Variants in METTL16 observed in about 807,000 individuals in gnomAD.
METTL16 encodes RNA N(6)-adenosine-methyltransferase METTL16.
A neutral mutation model predicts 57.9 loss-of-function variants in METTL16; 19 were observed. The observed-to-expected ratio is 0.33, with a 90% CI of 0.23 to 0.48. The LOEUF (loss-of-function observed/expected upper bound fraction) is 0.48, where lower values mean the gene tolerates loss of function less well. Among genes scored for constraint, METTL16 ranks in the 20% least tolerant of loss-of-function variants. The probability of loss-of-function intolerance (pLI) is 0.99; values close to 1 mark genes in which losing one functional copy is unlikely to be tolerated. For missense variants in METTL16, 434 were observed against 691.5 expected (o/e 0.63, Z 4.18); for synonymous variants, 246 against 255.6 (o/e 0.96, Z 0.36).
At chr17:2,448,891 G>C (rs1283459417) in intron 6 of METTL16, among the ~76,000 whole-genome samples, 1 of 148,862 alleles carries the variant, frequency 6.7e-6, no homozygotes, top group Non-Finnish European at 1.5e-5. Flanking sequence ...GCTGGGTGTG[G>C]TGGTGCGCGC....
chr17:2,442,311 G>A (rs1461576921), intron 6 of METTL16, among the ~76,000 whole-genome samples: 4 of 152,212 alleles, frequency 2.6e-5, no homozygotes, highest in African/African-American at 9.6e-5. Flanking sequence ...AGGTGAGCCT[G>A]CATTTGCTAG....
At position 2,432,296 on chromosome 17, in the gene METTL16, A is replaced by G. The variant is rs1391600007; in HGVS notation, c.888+5813T>C. On this transcript the variant is annotated intron_variant, in intron 8 of 9. Coordinates refer to ENST00000263092, the MANE Select transcript of METTL16 (RefSeq NM_024086.4). ...TTAGTTTGCATTTTAGGCTGGGTGC[A>G]ATGGCTTATGCCTGTAATCCCAGCA... 3.9e-5 allele frequency among the ~76,000 whole-genome samples: 6 copies of G among 152,134 alleles called. No individual in the cohort carries two copies. In the East Asian group the frequency reaches 1.2e-3, roughly 29 times the overall value.
In METTL16 at chr17:2,419,703, T is replaced by C. The variant is rs544080674; in HGVS notation, c.*267A>G. 39 of 629,062 alleles carry C rather than the reference T, an allele frequency of 6.2e-5. No homozygotes were observed. The East Asian group carries it at 1.2e-3, about 20-fold the overall frequency. The allele number at this position is 629,062 out of a possible 1,614,324, so 39.0% of individuals were successfully genotyped here. On this transcript the variant is annotated 3_prime_UTR_variant, in exon 10 of 10. Transcript: ENST00000263092. ...AGCTGAGGGGCCAGCTTGAGCCAGCTTGCAATCCCTCGGGAGTTTACTGAG... is the reference window on the plus strand; with the variant it reads ...AGCTGAGGGGCCAGCTTGAGCCAGCCTGCAATCCCTCGGGAGTTTACTGAG...
chr17:2,496,152 A>C (rs1276825882), intron 2 of METTL16, among the ~76,000 whole-genome samples: 2 of 151,502 alleles, frequency 1.3e-5, no homozygotes, highest in African/African-American at 4.9e-5. Flanking sequence ...CAAAACAAAA[A>C]AAAAGAAAAA....
At chr17:2,454,560 A>ATT (rs1476498879) in intron 6 of METTL16, among the ~76,000 whole-genome samples, 68 of 139,060 alleles carry the variant, frequency 4.9e-4, no homozygotes, top group African/African-American at 1.5e-3. Context: ...TATTATTATT[A>ATT]TTATTTTTTT....
chr17:2,492,475 A>C (rs1882249938), intron 2 of METTL16, among the ~76,000 whole-genome samples: 1 of 152,134 alleles, frequency 6.6e-6, no homozygotes, highest in African/African-American at 2.4e-5. Flanking sequence ...CCTACCATGA[A>C]CTCAGTGTCC....
chr17:2,477,312 AAGGCC>A (rs2067275589), intron 3 of METTL16: 1 of 191,580 alleles, frequency 5.2e-6, no homozygotes, highest in Non-Finnish European at 1.1e-5. Context: ...AGTGGGAGAA[AAGGCC>A]AGGTGTAGTA....
At chr17:2,470,712 G>A (rs1964999323) in intron 4 of METTL16, among the ~76,000 whole-genome samples, 1 of 152,204 alleles carries the variant, frequency 6.6e-6, no homozygotes, top group African/African-American at 2.4e-5. Flanking sequence ...TCACAAGGCT[G>A]AGGCTGGATG....
Position 2,464,225 on chromosome 17 carries a change from T to A in METTL16, c.711A>T (p.Gln237His), listed in dbSNP as rs762000820. 2 of 1,612,122 alleles carry A rather than the reference T, an allele frequency of 1.2e-6. No homozygotes were observed. The highest frequency in any genetic ancestry group is 1.7e-6 in the Non-Finnish European group (2 of 1,179,492). Residue 237 changes from glutamine to histidine, a missense_variant, in exon 6 of 10, where the codon CAA becomes CAT. Coordinates refer to ENST00000263092, the MANE Select transcript of METTL16 (RefSeq NM_024086.4). ...AGACTTACCTTAATCTTTTTTTAAG[T>A]TGTAGACTGTCATGGATGATCCTTT... ...FVKRIIHDSL[Q>H]LKKRLRWYSC... is the part of the protein sequence containing the mutation.
chr17:2,443,088 AAGCGATTTTCCCGCCTC>A, intron 6 of METTL16, among the ~76,000 whole-genome samples: 1 of 152,194 alleles, frequency 6.6e-6, no homozygotes, highest in East Asian at 1.9e-4. Flanking sequence ...TTCCGGGCTC[AAGCGATTTTCCCGCCTC>A]AGCCTCCTGA....
At chr17:2,500,422 A>C (rs2067478913) in intron 2 of METTL16, among the ~76,000 whole-genome samples, 1 of 152,032 alleles carries the variant, frequency 6.6e-6, no homozygotes, top group African/African-American at 2.4e-5. Flanking sequence ...CTGGGATTAC[A>C]GGCTTGCGCC....
intron 6 of METTL16, among the ~76,000 whole-genome samples, chr17:2,448,791 AAAAT>A (rs2067042052): frequency 1.1e-5 from 1 of 93,108 alleles, no homozygotes. Context: ...TAAAAAAATA[AAAAT>A]AAAATTTAAA....
chr17:2,428,208 G>A (rs537493117), intron 8 of METTL16, among the ~76,000 whole-genome samples: 5 of 151,880 alleles, frequency 3.3e-5, no homozygotes, highest in Non-Finnish European at 5.9e-5. Flanking sequence ...CTTTAAATAC[G>A]ACTTCCCAGC....
At chr17:2,433,037 C>T (rs146467612) in intron 8 of METTL16, among the ~76,000 whole-genome samples, 18 of 152,184 alleles carry the variant, frequency 1.2e-4, no homozygotes, top group Non-Finnish European at 1.0e-4. Context: ...AAACAAAACA[C>T]CAGTGTAAAG....
chr17:2,489,021 T>A (rs974958784), intron 2 of METTL16, among the ~76,000 whole-genome samples: 2 of 152,118 alleles, frequency 1.3e-5, no homozygotes, highest in Non-Finnish European at 2.9e-5. Context: ...AAACAACCAT[T>A]ACTGATAACC....
chr17:2,424,331 T>G (rs1313547016), intron 8 of METTL16: 2 of 151,390 alleles, frequency 1.3e-5, no homozygotes, highest in African/African-American at 4.8e-5. Flanking sequence ...GCCGGGATGG[T>G]CTCGATCTCC....
In METTL16 at chr17:2,504,893, T is replaced by A. The variant is rs143280829; in HGVS notation, c.1-2562A>T. 7.9e-4 allele frequency among the ~76,000 whole-genome samples: 120 copies of A among 152,200 alleles called. 1 individual carries two copies. The East Asian group carries it at 0.021, about 27-fold the overall frequency. On this transcript the variant is annotated intron_variant, in intron 1 of 9. Coordinates refer to ENST00000263092, the MANE Select transcript of METTL16 (RefSeq NM_024086.4). ...AGCTTGGGGGTTAGTTTTTACAGTA[T>A]CCTTACAAGGACTGAATATTTGGTA...
At chr17:2,465,074 A>C (rs551582913) in intron 5 of METTL16, among the ~76,000 whole-genome samples, 1 of 152,330 alleles carries the variant, frequency 6.6e-6, no homozygotes, top group East Asian at 1.9e-4. Flanking sequence ...TAATAAAAAC[A>C]AAAACAAACC....
intron 8 of METTL16, among the ~76,000 whole-genome samples, chr17:2,432,533 C>A (rs1226885365): frequency 1.3e-5 from 2 of 151,972 alleles, no homozygotes; most frequent in African/African-American, 4.8e-5. Context: ...CGCGCCAATA[C>A]ATTCCAGCCT....
Sources: allele counts gnomAD v4.1 joint callset (sites outside exome capture counted in the v4.1 genomes callset), GRCh38; gene constraint gnomAD v4.1.1; transcripts MANE v1.5; gene names NCBI Gene and HGNC (gene_info 2026-07-23, HGNC 2026-07-21).